AGFG1: variants seen among roughly 807,000 people sequenced by gnomAD.
AGFG1 encodes ArfGAP with FG repeats 1, also known as arf-GAP domain and FG repeat-containing protein 1.
In AGFG1, 10 loss-of-function variants were observed where a neutral mutation model predicts 60.6. The ratio of observed to expected loss-of-function variants is 0.16; its 90% CI spans 0.10 to 0.28. The LOEUF is 0.28. Ranked by LOEUF, AGFG1 falls within the 10% of genes least tolerant of loss-of-function variation. AGFG1 has a pLI of 1.00. For missense variants in AGFG1, 537 were observed against 676.5 expected, an observed-to-expected ratio of 0.79 and a Z score of 2.29; for synonymous variants, 247 against 242.9, an observed-to-expected ratio of 1.02 and a Z score of -0.16.
chr2:227,508,688 A>ATTTTTTT, intron 2 of AGFG1: 1 of 394,370 alleles, frequency 2.5e-6, no homozygotes, highest in Non-Finnish European at 5.0e-6. Flanking sequence ...CACTGTTGGG[A>ATTTTTTT]TTTTTTTTTT....
At chr2:227,481,062 A>G (rs1690442631) in intron 1 of AGFG1, among the ~76,000 whole-genome samples, 1 of 138,236 alleles carries the variant, frequency 7.2e-6, no homozygotes. Flanking sequence ...CTCATATTGA[A>G]GTATTTTGGT....
chr2:227,496,516 G>A (rs1431182852), intron 2 of AGFG1, among the ~76,000 whole-genome samples: 1 of 152,100 alleles, frequency 6.6e-6, no homozygotes, highest in East Asian at 1.9e-4. Flanking sequence ...CAAAAAGGGA[G>A]ATGATTCCTG....
intron 4 of AGFG1, 134 bp downstream of exon 4, chr2:227,524,059 T>G (rs759594906): frequency 2.4e-5 from 22 of 922,700 alleles, no homozygotes; most frequent in Non-Finnish European, 3.5e-5. Context: ...TGTTATACAT[T>G]AAGAAATTGT....
chr2:227,526,530 G>T (rs1348973554), intron 5 of AGFG1, among the ~76,000 whole-genome samples: 1 of 142,400 alleles, frequency 7.0e-6, no homozygotes, highest in Non-Finnish European at 1.5e-5. Context: ...GAGCCACTGT[G>T]CCCAGCCTCT....
chr2:227,490,923 T>C (rs915687249), intron 1 of AGFG1, among the ~76,000 whole-genome samples: 10 of 152,228 alleles, frequency 6.6e-5, no homozygotes, highest in African/African-American at 2.2e-4. Context: ...GCAATTTTTT[T>C]GAATCTCTTC....
At chr2:227,540,414 C>CCT (rs1692455698) in intron 10 of AGFG1, among the ~76,000 whole-genome samples, 1 of 152,074 alleles carries the variant, frequency 6.6e-6, no homozygotes, top group Non-Finnish European at 1.5e-5. Context: ...TCTCATTGTT[C>CCT]AGTTCCCACC....
chr2:227,473,824 A>G (rs990687037), intron 1 of AGFG1, among the ~76,000 whole-genome samples: 2 of 152,216 alleles, frequency 1.3e-5, no homozygotes, highest in Admixed American at 6.5e-5. Flanking sequence ...GCAAAGAGGC[A>G]TTATTAGTAT....
In AGFG1 at chr2:227,557,564, A is replaced by T. The variant is rs1266200546; in HGVS notation, c.*3069A>T. The T allele has an allele frequency of 6.7e-6, 1 of 148,628 alleles. No homozygotes were observed. The highest frequency in any genetic ancestry group is 1.5e-5 in the Non-Finnish European group (1 of 67,342). 9.2% of individuals were successfully genotyped at this position (148,628 alleles called of 1,614,324 possible). A position where few individuals can be genotyped will look rare whatever the true frequency, so the allele number is the denominator to read the frequency against. ...TATCTCTGAGAATTTATTGTATTAA[A>T]ATTAATACTGAGATATTTTTAAAAC... is the stretch of plus-strand genomic sequence containing the variant. On this transcript the variant is annotated 3_prime_UTR_variant, in exon 13 of 13. Transcript: ENST00000310078.
intron 10 of AGFG1, among the ~76,000 whole-genome samples, chr2:227,543,739 G>C (rs1420515818): frequency 5.9e-5 from 9 of 152,152 alleles, no homozygotes; most frequent in Admixed American, 5.9e-4. Flanking sequence ...TGATCTGTCT[G>C]ATGTTGACAG....
At chr2:227,489,192 T>C (rs1199483312) in intron 1 of AGFG1, among the ~76,000 whole-genome samples, 1 of 150,790 alleles carries the variant, frequency 6.6e-6, no homozygotes, top group Non-Finnish European at 1.5e-5. Context: ...AAGTTACTAC[T>C]GAGGTTGTTT....
intron 2 of AGFG1, among the ~76,000 whole-genome samples, chr2:227,505,201 CATACTT>C (rs1435950613): frequency 1.8e-4 from 20 of 108,270 alleles, no homozygotes; most frequent in African/African-American, 3.4e-4. Flanking sequence ...TACTTTATCT[CATACTT>C]ATATTGTTTT....
At chr2:227,527,106 A>C (rs1007006846) in intron 5 of AGFG1, among the ~76,000 whole-genome samples, 2 of 152,196 alleles carry the variant, frequency 1.3e-5, no homozygotes, top group Non-Finnish European at 2.9e-5. Flanking sequence ...CTGATAGGGA[A>C]GTGGCATAAT....
At chr2:227,491,516 A>T in intron 1 of AGFG1, 31 bp from the exon 2 acceptor site, 7 of 1,404,930 alleles carry the variant, frequency 5.0e-6, no homozygotes, top group Non-Finnish European at 6.8e-6. Context: ...GGTATGTACT[A>T]GTAAATTTTG....
chr2:227,482,515 T>C (rs1410798039), intron 1 of AGFG1, among the ~76,000 whole-genome samples: 3 of 152,240 alleles, frequency 2.0e-5, no homozygotes, highest in African/African-American at 7.2e-5. Flanking sequence ...GAAACATATG[T>C]AATATTTTTA....
intron 7 of AGFG1, among the ~76,000 whole-genome samples, chr2:227,534,152 TA>T (rs774930826): frequency 2.1e-3 from 308 of 149,434 alleles, no homozygotes; most frequent in African/African-American, 3.6e-3. Context: ...TTTTTATATT[TA>T]AAAAAAAAAA....
intron 1 of AGFG1, among the ~76,000 whole-genome samples, chr2:227,489,549 T>G (rs938140331): frequency 6.6e-6 from 1 of 152,068 alleles, no homozygotes; most frequent in Non-Finnish European, 1.5e-5. Context: ...CAGAATAAAA[T>G]TTCGGTTACT....
intron 10 of AGFG1, among the ~76,000 whole-genome samples, chr2:227,549,042 A>G (rs1454463504): frequency 6.6e-6 from 1 of 151,538 alleles, no homozygotes; most frequent in Non-Finnish European, 1.5e-5. Context: ...ACACAGTGAC[A>G]CTTTTTTAAG....
At chr2:227,511,142 G>A (rs1691487648) in intron 2 of AGFG1, among the ~76,000 whole-genome samples, 1 of 152,078 alleles carries the variant, frequency 6.6e-6, no homozygotes, top group African/African-American at 2.4e-5. Flanking sequence ...TCTTCCTCCA[G>A]GGGAAAGTTT....
chr2:227,496,059 A>G (rs1463451221), intron 2 of AGFG1, among the ~76,000 whole-genome samples: 9 of 151,282 alleles, frequency 5.9e-5, no homozygotes, highest in Admixed American at 5.9e-4. Context: ...TGGAGGTTAC[A>G]GTGAGATTGT....
Sources: gnomAD v4.1 joint callset for allele counts (sites outside exome capture counted in the v4.1 genomes callset) on GRCh38, gnomAD v4.1.1 for gene constraint, MANE v1.5 for transcripts, NCBI Gene and HGNC (gene_info 2026-07-23, HGNC 2026-07-21) for gene names.